The following QNG1 variants were observed in gnomAD, a reference collection of about 807,000 sequenced individuals.
QNG1 encodes Q-nucleotide N-glycosylase 1.
chr9:83,946,363 C>G, the QNG1 span, among the ~76,000 whole-genome samples: 1 of 151,996 alleles, frequency 6.6e-6, no homozygotes, highest in East Asian at 1.9e-4. Context: ...TCCATAAGCT[C>G]AGGTCTGAAG....
At chr9:83,952,587 G>A in the QNG1 span, among the ~76,000 whole-genome samples, 3 of 152,030 alleles carry the variant, frequency 2.0e-5, no homozygotes, top group Admixed American at 6.6e-5. Context: ...CAGGTCAGGA[G>A]ATCAAGACCA....
At chr9:83,948,004 C>T in the QNG1 span, among the ~76,000 whole-genome samples, 11 of 142,654 alleles carry the variant, frequency 7.7e-5, no homozygotes, top group Non-Finnish European at 1.0e-4. Flanking sequence ...CCCCTCTGCC[C>T]GGCCGCCCAG....
chr9:83,956,260 C>A, the QNG1 span: 1 of 1,614,156 alleles, frequency 6.2e-7, no homozygotes, highest in Non-Finnish European at 8.5e-7. Flanking sequence ...TCGTCCTGCT[C>A]CGACCAAAAG....
the QNG1 span, among the ~76,000 whole-genome samples, chr9:83,951,942 T>C: frequency 3.3e-5 from 5 of 152,212 alleles, no homozygotes; most frequent in African/African-American, 1.2e-4. Context: ...TCTCAGTAAA[T>C]AGGTATACGT....
chr9:83,945,609 T>C, the QNG1 span, among the ~76,000 whole-genome samples: 4 of 152,050 alleles, frequency 2.6e-5, no homozygotes, highest in Admixed American at 1.3e-4. Context: ...TTATTATTAT[T>C]ATTATTTTTT....
At chr9:83,952,905 A>G in the QNG1 span, among the ~76,000 whole-genome samples, 3 of 150,464 alleles carry the variant, frequency 2.0e-5, no homozygotes, top group Non-Finnish European at 4.4e-5. Flanking sequence ...GGTTGCAGTG[A>G]GCAGAGATGG....
chr9:83,947,665 C>T, the QNG1 span, among the ~76,000 whole-genome samples: 2 of 152,198 alleles, frequency 1.3e-5, no homozygotes, highest in Admixed American at 6.5e-5. Context: ...AGGCGCTCGC[C>T]GCCACGCCTG....
At chr9:83,953,908 T>C in the QNG1 span, 4 of 1,092,616 alleles carry the variant, frequency 3.7e-6, no homozygotes, top group Non-Finnish European at 4.1e-6. Context: ...GAAATACTTT[T>C]TTGAGATAGA....
chr9:83,952,864 G>A, the QNG1 span, among the ~76,000 whole-genome samples: 34 of 151,370 alleles, frequency 2.2e-4, 1 homozygote, highest in African/African-American at 8.0e-4. Flanking sequence ...GCTACTCGGA[G>A]GCAGAGAACC....
the QNG1 span, among the ~76,000 whole-genome samples, chr9:83,951,218 T>C: frequency 6.6e-6 from 1 of 152,042 alleles, no homozygotes; most frequent in South Asian, 2.1e-4. Context: ...TGCAGTGAAC[T>C]GAGATTGTGC....
the QNG1 span, among the ~76,000 whole-genome samples, chr9:83,941,772 G>C: frequency 2.6e-5 from 4 of 152,122 alleles, no homozygotes; most frequent in South Asian, 6.2e-4. Flanking sequence ...AATTAGCCAG[G>C]CATGGTGGTG....
the QNG1 span, chr9:83,938,922 A>C: frequency 6.5e-6 from 1 of 152,710 alleles, no homozygotes; most frequent in Non-Finnish European, 1.5e-5. Flanking sequence ...CTAATTTTTA[A>C]ATTTTTGTAG....
the QNG1 span, chr9:83,939,758 A>G: frequency 1.3e-6 from 2 of 1,578,318 alleles, no homozygotes; most frequent in Non-Finnish European, 1.7e-6. Flanking sequence ...AAGGGGGAAA[A>G]GCAGTAAGAA....
chr9:83,940,608 A>C, the QNG1 span, among the ~76,000 whole-genome samples: 4 of 152,292 alleles, frequency 2.6e-5, no homozygotes, highest in Middle Eastern at 3.4e-3. Flanking sequence ...ACATAGTACT[A>C]TGCAAAGGTA....
At chr9:83,945,435 A>T in the QNG1 span, among the ~76,000 whole-genome samples, 1 of 151,972 alleles carries the variant, frequency 6.6e-6, no homozygotes, top group East Asian at 1.9e-4. Context: ...GATCTTTTAC[A>T]AGAAACAAAA....
the QNG1 span, chr9:83,956,145 T>TG: frequency 1.2e-6 from 2 of 1,605,256 alleles, no homozygotes; most frequent in Non-Finnish European, 1.7e-6. Context: ...TTAGGTCCGA[T>TG]GGCAAGTATG....
chr9:83,956,826 C>T, the QNG1 span: 3 of 260,940 alleles, frequency 1.1e-5, no homozygotes, highest in South Asian at 1.3e-4. Context: ...TGCTAAGGGT[C>T]CGGCGTTCAC....
At chr9:83,953,790 T>C in the QNG1 span, 2 of 1,548,548 alleles carry the variant, frequency 1.3e-6, no homozygotes, top group African/African-American at 2.7e-5. Context: ...AAAAACAAAA[T>C]CCGGGTGCAG....
At chr9:83,944,661 A>G in the QNG1 span, 1 of 641,314 alleles carries the variant, frequency 1.6e-6, no homozygotes. Flanking sequence ...TTGTCTTTGC[A>G]TTTTCCTTTT....
Sources: allele counts gnomAD v4.1 joint callset (sites outside exome capture counted in the v4.1 genomes callset), GRCh38; gene constraint gnomAD v4.1.1; transcripts MANE v1.5; gene names NCBI Gene and HGNC (gene_info 2026-07-23, HGNC 2026-07-21).